The following OSBPL10 variants were observed in gnomAD, a reference collection of about 807,000 sequenced individuals.
OSBPL10 encodes oxysterol binding protein like 10, also known as oxysterol-binding protein-related protein 10.
In OSBPL10, 49 loss-of-function variants were observed where a neutral mutation model predicts 81.7. The ratio of observed to expected loss-of-function variants is 0.60; its 90% CI spans 0.48 to 0.76. The LOEUF (loss-of-function observed/expected upper bound fraction) is 0.76, where lower values mean the gene tolerates loss of function less well. OSBPL10 is among the 30% of genes least tolerant of loss of function. The probability of loss-of-function intolerance (pLI) is 0.00; values close to 1 mark genes in which losing one functional copy is unlikely to be tolerated. For synonymous variants in OSBPL10, 419 were observed against 383.6 expected (o/e 1.09, Z -1.08); for missense variants, 923 against 987.8 (o/e 0.93, Z 0.88).
chr3:31,766,329 G>T (rs66603371), intron 4 of OSBPL10, among the ~76,000 whole-genome samples: 1,547 of 22,408 alleles, frequency 0.069, 269 homozygotes, highest in East Asian at 0.22. Context: ...TAGTTTTTTT[G>T]TTTTTTTGTT....
At chr3:31,684,959 G>T (rs1362765681) in intron 7 of OSBPL10, among the ~76,000 whole-genome samples, 1 of 152,142 alleles carries the variant, frequency 6.6e-6, no homozygotes, top group Non-Finnish European at 1.5e-5. Context: ...CTCTGGTAGA[G>T]ATAAGACAGA....
chr3:31,713,182 G>A (rs1452115022), intron 6 of OSBPL10, among the ~76,000 whole-genome samples: 7 of 151,750 alleles, frequency 4.6e-5, no homozygotes, highest in African/African-American at 9.7e-5. Context: ...ACTGTGGCCC[G>A]TGAGGCCCTA....
chr3:31,824,943 A>G (rs558293412), intron 4 of OSBPL10, among the ~76,000 whole-genome samples: 1 of 152,266 alleles, frequency 6.6e-6, no homozygotes, highest in African/African-American at 2.4e-5. Context: ...AGTATGGAAC[A>G]TTTCTGTTTT....
At chr3:31,800,346 G>T (rs1188647803) in intron 4 of OSBPL10, among the ~76,000 whole-genome samples, 1 of 152,178 alleles carries the variant, frequency 6.6e-6, no homozygotes, top group Non-Finnish European at 1.5e-5. Context: ...CACCCAAACA[G>T]AACTGAAAAC....
intron 3 of OSBPL10, among the ~76,000 whole-genome samples, chr3:31,833,433 T>G (rs1385857512): frequency 2.6e-5 from 4 of 152,188 alleles, no homozygotes; most frequent in African/African-American, 9.7e-5. Context: ...AATTAGATTA[T>G]GCATATACAA....
chr3:31,683,366 C>T (rs922093899), intron 8 of OSBPL10, among the ~76,000 whole-genome samples: 11 of 152,078 alleles, frequency 7.2e-5, no homozygotes, highest in African/African-American at 2.4e-4. Context: ...TGTGCACGCA[C>T]GCGCGTGCAC....
chr3:31,792,123 T>A (rs1575546993), intron 4 of OSBPL10, among the ~76,000 whole-genome samples: 1 of 151,558 alleles, frequency 6.6e-6, no homozygotes, highest in Admixed American at 6.6e-5. Flanking sequence ...CAGCTACTCG[T>A]GACACTGAGC....
intron 1 of OSBPL10, among the ~76,000 whole-genome samples, chr3:31,946,629 G>T (rs181871496): frequency 1.3e-5 from 2 of 152,160 alleles, no homozygotes; most frequent in Non-Finnish European, 2.9e-5. Context: ...AAGCACAAGA[G>T]CCCTCAGGAG....
In OSBPL10 at chr3:31,824,793, C is replaced by A. The variant is rs192082461; in HGVS notation, c.729+5247G>T. Among the ~76,000 whole-genome samples, 3 of 152,200 alleles carry A rather than the reference C, an allele frequency of 2.0e-5. No individual in the cohort carries two copies. The East Asian group carries it at 5.8e-4, about 29-fold the overall frequency. On this transcript the variant is annotated intron_variant, in intron 4 of 11. Coordinates refer to ENST00000396556, the MANE Select transcript of OSBPL10 (RefSeq NM_017784.5). ...TTCTGGGTTCTTCCTTGTTTGCCAG[C>A]GGATATCTTGCAGTTGCGGGTATAT...
chr3:31,769,094 C>T (rs1698282259), intron 4 of OSBPL10, among the ~76,000 whole-genome samples: 1 of 151,978 alleles, frequency 6.6e-6, no homozygotes, highest in South Asian at 2.1e-4. Context: ...AGAAGTGGTA[C>T]CCAAATGGTC....
chr3:31,711,467 T>C lies in OSBPL10; in HGVS notation c.1096-8959A>G, dbSNP rs1696250387. Among the ~76,000 whole-genome samples, 5 of 152,252 alleles carry C rather than the reference T, an allele frequency of 3.3e-5. No homozygotes were observed. In the South Asian group the frequency reaches 6.2e-4, roughly 19 times the overall value. ...GAGGAATCCTAGCTAACTGAGGGTT[T>C]CATTTCTAGAATTCCAACACAAAGG... is the stretch of plus-strand genomic sequence containing the variant. On this transcript the variant is annotated intron_variant, in intron 6 of 11. Transcript: ENST00000396556.
intron 1 of OSBPL10, among the ~76,000 whole-genome samples, chr3:31,905,345 A>ATTTTTTTTTTTTTTTTGT (rs1696374563): frequency 1.1e-5 from 1 of 94,858 alleles, no homozygotes. Context: ...GAACCTGGTG[A>ATTTTTTTTTTTTTTTTGT]TTTTTTTTTT....
Position 32,075,493 on chromosome 3 carries a change from G to A in OSBPL10, n.185+1903C>T, listed in dbSNP as rs1285632977. Among the ~76,000 whole-genome samples, 5 of 151,830 alleles carry A rather than the reference G, an allele frequency of 3.3e-5. 1 individual carries two copies. Among genetic ancestry groups the A allele is most frequent in the Admixed American group, 2.0e-4 (3 of 15,244 alleles). ...CTTTTATTCAGACCTTGTGTCTTTC[G>A]TTTAGTTTCTCAATTCATACAAAAC... On this transcript the variant is annotated intron_variant and non_coding_transcript_variant, in intron 1 of 3. Transcript: ENST00000479173.
chr3:31,852,260 C>G (rs1393109506), intron 3 of OSBPL10, among the ~76,000 whole-genome samples: 2 of 152,130 alleles, frequency 1.3e-5, no homozygotes, highest in Non-Finnish European at 2.9e-5. Context: ...TTCCCCTCCC[C>G]CAAAGCATTC....
intron 2 of OSBPL10, among the ~76,000 whole-genome samples, chr3:31,877,390 A>T (rs1701503489): frequency 6.6e-6 from 1 of 152,212 alleles, no homozygotes; most frequent in African/African-American, 2.4e-5. Flanking sequence ...AAGAGATATT[A>T]AAGTGCAAGT....
At chr3:32,010,204 C>T (rs557918617) in intron 2 of OSBPL10, among the ~76,000 whole-genome samples, 3 of 151,636 alleles carry the variant, frequency 2.0e-5, no homozygotes, top group East Asian at 1.9e-4. Context: ...GGCATGAGAA[C>T]GCATAGTGGG....
intron 7 of OSBPL10, among the ~76,000 whole-genome samples, chr3:31,702,061 C>T (rs1373200792): frequency 6.6e-6 from 1 of 152,100 alleles, no homozygotes. Flanking sequence ...GAAATAGTAC[C>T]TTGAATTTTC....
chr3:31,824,617 G>C (rs1700058310), intron 4 of OSBPL10, among the ~76,000 whole-genome samples: 2 of 152,162 alleles, frequency 1.3e-5, no homozygotes, highest in Non-Finnish European at 2.9e-5. Context: ...TCCATCGAAA[G>C]ACCCGCCATC....
At chr3:31,862,962 T>C (rs1046394922) in intron 3 of OSBPL10, among the ~76,000 whole-genome samples, 1 of 152,110 alleles carries the variant, frequency 6.6e-6, no homozygotes, top group Non-Finnish European at 1.5e-5. Flanking sequence ...AAAACTGGCA[T>C]ACAAATGTTC....
Sources: gnomAD v4.1 joint callset for allele counts (sites outside exome capture counted in the v4.1 genomes callset) on GRCh38, gnomAD v4.1.1 for gene constraint, MANE v1.5 for transcripts, NCBI Gene and HGNC (gene_info 2026-07-23, HGNC 2026-07-21) for gene names.